Variants in NR3C1 observed in about 807,000 individuals in gnomAD.
NR3C1 encodes the protein glucocorticoid receptor.
Under a neutral mutation model 74.0 loss-of-function variants are expected in NR3C1, and 14 were observed. The observed-to-expected ratio is 0.19, with a 90% CI of 0.12 to 0.30. The LOEUF (loss-of-function observed/expected upper bound fraction) is 0.30, where lower values mean the gene tolerates loss of function less well. Among genes scored for constraint, NR3C1 ranks in the 10% least tolerant of loss-of-function variants. The probability of loss-of-function intolerance (pLI) is 1.00; values close to 1 mark genes in which losing one functional copy is unlikely to be tolerated. For missense variants in NR3C1, 695 were observed against 909.8 expected (o/e 0.76, Z 3.04); for synonymous variants, 308 against 332.5 (o/e 0.93, Z 0.80).
chr5:143,347,392 C>A (rs1303632773), intron 2 of NR3C1, among the ~76,000 whole-genome samples: 2 of 152,042 alleles, frequency 1.3e-5, no homozygotes, highest in Non-Finnish European at 2.9e-5. Flanking sequence ...AGACTTTAAC[C>A]CAGTGCTGCT....
chr5:143,418,614 C>T (rs532025646), intron 1 of NR3C1, among the ~76,000 whole-genome samples: 38 of 152,268 alleles, frequency 2.5e-4, no homozygotes, highest in African/African-American at 8.9e-4. Context: ...AGGGCTTTCC[C>T]AGTTAAGAGG....
intron 2 of NR3C1, among the ~76,000 whole-genome samples, chr5:143,393,633 A>C (rs887571012): frequency 3.3e-5 from 5 of 152,106 alleles, no homozygotes; most frequent in African/African-American, 1.2e-4. Context: ...AAACATTAAA[A>C]CGATAACATA....
chr5:143,374,774 C>G (rs1348675331), intron 2 of NR3C1, among the ~76,000 whole-genome samples: 1 of 152,026 alleles, frequency 6.6e-6, no homozygotes, highest in Non-Finnish European at 1.5e-5. Flanking sequence ...AGCAGCTGTA[C>G]TTGAACACAG....
At chr5:143,325,380 C>T (rs772173823) in intron 2 of NR3C1, among the ~76,000 whole-genome samples, 1 of 152,180 alleles carries the variant, frequency 6.6e-6, no homozygotes, top group Non-Finnish European at 1.5e-5. Context: ...AGGGAAAGAC[C>T]AGACCCTGTG....
chr5:143,426,336 A>T (rs1281106652), intron 1 of NR3C1, among the ~76,000 whole-genome samples: 2 of 152,174 alleles, frequency 1.3e-5, no homozygotes, highest in African/African-American at 4.8e-5. Context: ...ACATACTCAA[A>T]CTCACTGAAT....
intron 2 of NR3C1, among the ~76,000 whole-genome samples, chr5:143,377,680 G>A (rs1393954979): frequency 6.6e-6 from 1 of 152,198 alleles, no homozygotes; most frequent in African/African-American, 2.4e-5. Flanking sequence ...CCTATCAGCA[G>A]GCAATATAGG....
intron 2 of NR3C1, among the ~76,000 whole-genome samples, chr5:143,376,325 C>T (rs1835181364): frequency 6.6e-6 from 1 of 152,204 alleles, no homozygotes; most frequent in South Asian, 2.1e-4. Flanking sequence ...GATAAATTCT[C>T]ATGTGAGGAC....
chr5:143,303,140 C>T (rs1399079989), intron 4 of NR3C1, among the ~76,000 whole-genome samples: 5 of 149,086 alleles, frequency 3.4e-5, no homozygotes, highest in Non-Finnish European at 7.4e-5. Flanking sequence ...GATCTTCACA[C>T]TATTACAAGC....
At position 143,300,420 on chromosome 5, in the gene NR3C1, A is replaced by G; in HGVS notation, c.1747+65T>C. On this transcript the variant is annotated intron_variant, in intron 5 of 8. Coordinates refer to ENST00000394464, the MANE Select transcript of NR3C1 (RefSeq NM_000176.3). The surrounding 1 kb of genome is among the most constrained non-coding windows in gnomAD (Gnocchi z 5.2). ...ATGGGCTCACGATGATATAAAAGCC[A>G]AAGTGTTTTTGCTGAAGAAAACACA... is the stretch of plus-strand genomic sequence containing the variant. 2 of 1,600,868 alleles carry G rather than the reference A, an allele frequency of 1.2e-6. No homozygotes were observed. The highest frequency in any genetic ancestry group is 1.7e-5 in the Admixed American group (1 of 60,012).
intron 2 of NR3C1, among the ~76,000 whole-genome samples, chr5:143,382,872 A>G (rs965099461): frequency 6.6e-6 from 1 of 152,210 alleles, no homozygotes; most frequent in Admixed American, 6.5e-5. Context: ...ATGAATCCCT[A>G]TATCTAATCC....
At chr5:143,365,601 T>A (rs1201669972) in intron 2 of NR3C1, among the ~76,000 whole-genome samples, 2 of 152,136 alleles carry the variant, frequency 1.3e-5, no homozygotes, top group African/African-American at 4.8e-5. Context: ...CTACTTCCAA[T>A]AGACAGAACA....
chr5:143,348,697 C>T (rs1473989524), intron 2 of NR3C1, among the ~76,000 whole-genome samples: 2 of 152,054 alleles, frequency 1.3e-5, no homozygotes, highest in Non-Finnish European at 2.9e-5. Context: ...ATGTACCTTA[C>T]GAAGAAAGTA....
chr5:143,307,022 G>A (rs1253362282), intron 4 of NR3C1, among the ~76,000 whole-genome samples: 10 of 151,036 alleles, frequency 6.6e-5, no homozygotes, highest in African/African-American at 2.4e-4. Context: ...TCAGCCTCCC[G>A]AGTAGCTGGG....
intron 2 of NR3C1, among the ~76,000 whole-genome samples, chr5:143,382,992 T>C (rs1359680946): frequency 6.6e-6 from 1 of 152,238 alleles, no homozygotes; most frequent in Non-Finnish European, 1.5e-5. Context: ...TCTGCCTGTC[T>C]TTGGGCTTTC....
chr5:143,321,296 T>A (rs947357427), intron 2 of NR3C1, among the ~76,000 whole-genome samples: 1 of 152,224 alleles, frequency 6.6e-6, no homozygotes, highest in Non-Finnish European at 1.5e-5. Context: ...AAAGAGAGAT[T>A]TGAATTTCTC....
chr5:143,297,187 CTAATG>C (rs1817494825), intron 6 of NR3C1, among the ~76,000 whole-genome samples: 1 of 149,866 alleles, frequency 6.7e-6, no homozygotes, highest in African/African-American at 2.5e-5. Context: ...GAAAATGAAA[CTAATG>C]TAAATCTGTT....
At chr5:143,346,723 C>T (rs1377954709) in intron 2 of NR3C1, among the ~76,000 whole-genome samples, 1 of 152,170 alleles carries the variant, frequency 6.6e-6, no homozygotes, top group African/African-American at 2.4e-5. Context: ...CAACTGTAAA[C>T]TTCAAAAACT....
In NR3C1 at chr5:143,314,171, A is replaced by G; in HGVS notation, c.1185-3T>C. On this transcript the variant is annotated splice_polypyrimidine_tract_variant and splice_region_variant and intron_variant, in intron 2 of 8. Transcript: ENST00000394464. ...TTACATCTGGTCTCATGCTGGGGCT[A>G]AAGAAGGGGAAGAACAGTGTTATGA... The G allele has an allele frequency of 6.2e-7, 1 of 1,613,524 alleles. No individual in the cohort carries two copies. Among genetic ancestry groups the G allele is most frequent in the Non-Finnish European group, 8.5e-7 (1 of 1,179,634 alleles).
At chr5:143,402,852 G>A (rs1840586068) in intron 1 of NR3C1, 1 of 983,294 alleles carries the variant, frequency 1.0e-6, no homozygotes, top group Non-Finnish European at 1.2e-6. Context: ...ACGGGTGTCG[G>A]GCGACCCCCT....
Sources: gnomAD v4.1 joint callset for allele counts (sites outside exome capture counted in the v4.1 genomes callset) on GRCh38, gnomAD v4.1.1 for gene constraint, Gnocchi (gnomAD v3.1) non-coding constraint, MANE v1.5 for transcripts, NCBI Gene and HGNC (gene_info 2026-07-23, HGNC 2026-07-21) for gene names.